Variants in SLC8A1 observed in about 807,000 individuals in gnomAD.
SLC8A1 encodes the protein solute carrier family 8 member A1, also known as sodium/calcium exchanger 1.
A neutral mutation model predicts 68.3 loss-of-function variants in SLC8A1; 18 were observed. The ratio of observed to expected loss-of-function variants is 0.26; its 90% CI spans 0.18 to 0.39. The LOEUF (loss-of-function observed/expected upper bound fraction) is 0.39, where lower values mean the gene tolerates loss of function less well. Ranked by LOEUF, SLC8A1 falls within the 10% of genes least tolerant of loss-of-function variation. The pLI, the probability that SLC8A1 is intolerant of heterozygous loss-of-function variation, is 1.00. For synonymous variants in SLC8A1, 475 were observed against 415.5 expected, an observed-to-expected ratio of 1.14 and a Z score of -1.74; for missense variants, 985 against 1,156.7, an observed-to-expected ratio of 0.85 and a Z score of 2.15.
At chr2:40,415,859 T>TACACACACACACAC (rs70957173) in intron 2 of SLC8A1, among the ~76,000 whole-genome samples, 13 of 113,536 alleles carry the variant, frequency 1.1e-4, no homozygotes, top group African/African-American at 2.7e-4. Context: ...ACTAAAAGTA[T>TACACACACACACAC]ACACACACAC....
chr2:40,451,438 G>A (rs888759642), intron 1 of SLC8A1, among the ~76,000 whole-genome samples: 3 of 152,140 alleles, frequency 2.0e-5, no homozygotes, highest in Admixed American at 2.0e-4. Flanking sequence ...ATGTGGCCTT[G>A]GGGAAAGACC....
At chr2:40,475,036 A>G (rs907036049) in intron 1 of SLC8A1, among the ~76,000 whole-genome samples, 4 of 152,210 alleles carry the variant, frequency 2.6e-5, no homozygotes, top group Non-Finnish European at 5.9e-5. Context: ...AACTTATAAA[A>G]AAATTATTTA....
intron 2 of SLC8A1, chr2:40,208,491 C>G (rs942017162): frequency 6.6e-6 from 1 of 152,126 alleles, no homozygotes; most frequent in Non-Finnish European, 1.5e-5. Context: ...GAGAGAGATT[C>G]TGGGCCATGT....
chr2:40,113,717 A>G (rs2034865196), exon 8 of SLC8A1: 1 of 152,746 alleles, frequency 6.5e-6, no homozygotes, highest in Non-Finnish European at 1.5e-5. Context: ...TGTGAAATAA[A>G]TACTTTGCAG....
At chr2:40,427,193 A>G (rs1273809323) in intron 2 of SLC8A1, among the ~76,000 whole-genome samples, 4 of 152,202 alleles carry the variant, frequency 2.6e-5, no homozygotes, top group East Asian at 1.9e-4. Flanking sequence ...TCACTATAGT[A>G]TAACAACAAA....
chr2:40,124,703 C>A (rs2037683679), intron 7 of SLC8A1, among the ~76,000 whole-genome samples: 1 of 152,190 alleles, frequency 6.6e-6, no homozygotes, highest in Non-Finnish European at 1.5e-5. Context: ...AAATTTATAT[C>A]AGGGATTGGA....
intron 1 of SLC8A1, among the ~76,000 whole-genome samples, chr2:40,475,675 T>TATAAATAC (rs976100980): frequency 2.6e-5 from 4 of 152,088 alleles, no homozygotes; most frequent in African/African-American, 7.2e-5. Flanking sequence ...TATGTAAATA[T>TATAAATAC]ATAAATACAT....
chr2:40,335,474 C>A (rs1234050168), intron 2 of SLC8A1, among the ~76,000 whole-genome samples: 1 of 152,226 alleles, frequency 6.6e-6, no homozygotes, highest in Non-Finnish European at 1.5e-5. Flanking sequence ...CAAGTTAAAA[C>A]TGTGAATACT....
intron 2 of SLC8A1, among the ~76,000 whole-genome samples, chr2:40,201,935 CAG>C (rs753236600): frequency 1.7e-4 from 26 of 151,924 alleles, no homozygotes; most frequent in Admixed American, 2.6e-4. Context: ...TGCCTCTTTG[CAG>C]CACATGGAGG....
intron 2 of SLC8A1, among the ~76,000 whole-genome samples, chr2:40,376,915 G>C (rs1680077683): frequency 6.6e-6 from 1 of 151,960 alleles, no homozygotes; most frequent in African/African-American, 2.4e-5. Flanking sequence ...TTATGCAATA[G>C]GTAGAATTCT....
chr2:40,306,799 T>C (rs1039479637), intron 2 of SLC8A1, among the ~76,000 whole-genome samples: 6 of 152,140 alleles, frequency 3.9e-5, no homozygotes, highest in Non-Finnish European at 8.8e-5. Flanking sequence ...TGAAGTAACA[T>C]TTGTGCTCCA....
chr2:40,321,789 T>C (rs2075225434), intron 2 of SLC8A1, among the ~76,000 whole-genome samples: 1 of 152,004 alleles, frequency 6.6e-6, no homozygotes, highest in Admixed American at 6.6e-5. Context: ...GTGGGGACTA[T>C]GGGAACTACA....
intron 2 of SLC8A1, among the ~76,000 whole-genome samples, chr2:40,259,405 A>G (rs2064384333): frequency 6.6e-6 from 1 of 152,214 alleles, no homozygotes; most frequent in South Asian, 2.1e-4. Context: ...AAAAGGTAAT[A>G]TCTTTTAATC....
At chr2:40,149,503 G>T (rs928327152) in intron 6 of SLC8A1, among the ~76,000 whole-genome samples, 1 of 152,170 alleles carries the variant, frequency 6.6e-6, no homozygotes, top group Non-Finnish European at 1.5e-5. Context: ...GAAATAATCG[G>T]ATATGGAGGG....
At chr2:40,502,028 C>A (rs2149937199) in intron 1 of SLC8A1, among the ~76,000 whole-genome samples, 1 of 152,110 alleles carries the variant, frequency 6.6e-6, no homozygotes, top group East Asian at 1.9e-4. Context: ...GAATTTAAAT[C>A]TCCCCTTGCC....
chr2:40,298,612 C>G (rs2070857335), intron 2 of SLC8A1, among the ~76,000 whole-genome samples: 1 of 152,088 alleles, frequency 6.6e-6, no homozygotes, highest in African/African-American at 2.4e-5. Flanking sequence ...CCAGATAAAT[C>G]CTACCATTTA....
chr2:40,361,321 C>A (rs1374873506), intron 2 of SLC8A1, among the ~76,000 whole-genome samples: 2 of 152,074 alleles, frequency 1.3e-5, no homozygotes, highest in South Asian at 2.1e-4. Flanking sequence ...AAATTACTTA[C>A]AAGTTTTCAA....
At chr2:40,310,929 G>T (rs1035093886) in intron 2 of SLC8A1, among the ~76,000 whole-genome samples, 11 of 152,104 alleles carry the variant, frequency 7.2e-5, no homozygotes, top group African/African-American at 2.4e-4. Context: ...AGAAAAGTTT[G>T]ATGTTCTTTG....
At chr2:40,182,733 G>A (rs1486741099) in intron 2 of SLC8A1, among the ~76,000 whole-genome samples, 2 of 152,198 alleles carry the variant, frequency 1.3e-5, no homozygotes, top group African/African-American at 4.8e-5. Flanking sequence ...AAAGAAAGAT[G>A]TGGCTTTATT....
Sources: allele counts gnomAD v4.1 joint callset (sites outside exome capture counted in the v4.1 genomes callset), GRCh38; gene constraint gnomAD v4.1.1; transcripts MANE v1.5; gene names NCBI Gene and HGNC (gene_info 2026-07-23, HGNC 2026-07-21).